TEAD1: variants seen among roughly 807,000 people sequenced by gnomAD.
TEAD1 encodes transcriptional enhancer factor TEF-1.
Under a neutral mutation model 54.9 loss-of-function variants are expected in TEAD1, and 9 were observed. The observed-to-expected ratio is 0.16, with a 90% CI of 0.10 to 0.29. The LOEUF (loss-of-function observed/expected upper bound fraction) is 0.29. TEAD1 is among the 10% of genes least tolerant of loss of function. The pLI is 1.00. For synonymous variants in TEAD1, 200 were observed against 187.8 expected (o/e 1.07, Z -0.53); for missense variants, 387 against 535.9 (o/e 0.72, Z 2.74).
chr11:12,715,858 T>C (rs143447737), intron 2 of TEAD1, among the ~76,000 whole-genome samples: 79 of 152,260 alleles, frequency 5.2e-4, no homozygotes, highest in African/African-American at 1.8e-3. Context: ...GGGCATACCA[T>C]TTTTATTTCC....
At chr11:12,744,657 C>T (rs1944710986) in intron 2 of TEAD1, among the ~76,000 whole-genome samples, 1 of 152,106 alleles carries the variant, frequency 6.6e-6, no homozygotes, top group South Asian at 2.1e-4. Flanking sequence ...TGGGTATTAA[C>T]TTTTATAACT....
Position 12,943,100 on chromosome 11 carries a change from G to T in TEAD1, c.*5878G>T, listed in dbSNP as rs1436151446. On this transcript the variant is annotated 3_prime_UTR_variant, in exon 13 of 13. Transcript: ENST00000527636. ...CATACGTTCTGTGTGTCTCTACCTGGCGTCTTTAAGAATATCCTCTCTGGG... is the reference window on the plus strand; with the variant it reads ...CATACGTTCTGTGTGTCTCTACCTGTCGTCTTTAAGAATATCCTCTCTGGG... 2 of 152,166 alleles carry T rather than the reference G, an allele frequency of 1.3e-5. No individual in the cohort carries two copies. The highest frequency in any genetic ancestry group is 4.1e-4 in the South Asian group (2 of 4,820). 9.4% of individuals were successfully genotyped at this position (152,166 alleles called of 1,614,324 possible).
intron 3 of TEAD1, among the ~76,000 whole-genome samples, chr11:12,838,210 A>C (rs1051742865): frequency 4.6e-5 from 7 of 152,198 alleles, no homozygotes; most frequent in Admixed American, 2.0e-4. Flanking sequence ...TCCTTTTGTG[A>C]AACTTGTAAT....
intron 9 of TEAD1, among the ~76,000 whole-genome samples, chr11:12,886,900 T>C (rs996621987): frequency 6.6e-6 from 1 of 152,176 alleles, no homozygotes; most frequent in African/African-American, 2.4e-5. Context: ...GCTTGTATTA[T>C]GATACTAAGT....
chr11:12,929,448 G>C (rs1474849499), intron 11 of TEAD1, among the ~76,000 whole-genome samples: 1 of 150,846 alleles, frequency 6.6e-6, no homozygotes, highest in Non-Finnish European at 1.5e-5. Flanking sequence ...TTTTTTTTAA[G>C]GATGTGTGTT....
intron 12 of TEAD1, among the ~76,000 whole-genome samples, chr11:12,935,754 G>A (rs1328781588): frequency 6.6e-6 from 1 of 152,128 alleles, no homozygotes; most frequent in African/African-American, 2.4e-5. Flanking sequence ...CACCACGCCC[G>A]GCCCAGCAAA....
intron 3 of TEAD1, among the ~76,000 whole-genome samples, chr11:12,848,564 A>G (rs925934775): frequency 6.6e-6 from 1 of 152,164 alleles, no homozygotes; most frequent in African/African-American, 2.4e-5. Flanking sequence ...CAAGTTTCTT[A>G]ACTTCTTTGA....
intron 5 of TEAD1, among the ~76,000 whole-genome samples, chr11:12,877,862 A>G (rs534352837): frequency 1.4e-5 from 2 of 143,000 alleles, no homozygotes; most frequent in Non-Finnish European, 3.0e-5. Flanking sequence ...TGGCTTGATG[A>G]ACACAGCTCA....
rs1029463511 is a variant in TEAD1 at position 12,675,533 on chromosome 11, T to A, written c.-83T>A. Reference sequence around the variant, plus strand: ...GTTACCACCAAACCCAGGAGGAGACTCTCCCTGGAAAACTTCCCTTCCCTT... The same window carrying A: ...GTTACCACCAAACCCAGGAGGAGACACTCCCTGGAAAACTTCCCTTCCCTT... On this transcript the variant is annotated 5_prime_UTR_variant, in exon 2 of 13. Coordinates refer to ENST00000527636, the MANE Select transcript of TEAD1 (RefSeq NM_021961.6). 1 of 152,174 alleles carries A rather than the reference T, an allele frequency of 6.6e-6. No individual in the cohort carries two copies. The highest frequency in any genetic ancestry group is 6.5e-5 in the Admixed American group (1 of 15,274). 9.4% of individuals were successfully genotyped at this position (152,174 alleles called of 1,614,324 possible).
At chr11:12,833,776 T>A (rs1372132035) in intron 3 of TEAD1, among the ~76,000 whole-genome samples, 2 of 152,230 alleles carry the variant, frequency 1.3e-5, no homozygotes, top group Non-Finnish European at 2.9e-5. Flanking sequence ...GTCCCTTTTT[T>A]GTACTTAGTA....
chr11:12,678,904 T>C (rs1943154855), intron 2 of TEAD1, among the ~76,000 whole-genome samples: 2 of 152,220 alleles, frequency 1.3e-5, no homozygotes, highest in African/African-American at 2.4e-5. Flanking sequence ...CTTTGAAATA[T>C]GTGTTTTATT....
chr11:12,883,685 A>G (rs1036074530), intron 9 of TEAD1, among the ~76,000 whole-genome samples: 1 of 152,288 alleles, frequency 6.6e-6, no homozygotes, highest in African/African-American at 2.4e-5. Context: ...TGTTTTCTCA[A>G]GATAGCAAGT....
At position 12,853,296 on chromosome 11, in the gene TEAD1, C is replaced by T. The variant is rs1421229235; in HGVS notation, c.203-8954C>T. ...TGGTAAAATGAATTGTGGTGGTGGT[C>T]GTGGTGGTGGTGTGTCATGAAAAAT... On this transcript the variant is annotated intron_variant, in intron 3 of 12. Transcript: ENST00000527636. Among the ~76,000 whole-genome samples the T allele has an allele frequency of 7.2e-5, 11 of 151,970 alleles. No individual in the cohort carries two copies. The East Asian group carries it at 1.9e-3, about 27-fold the overall frequency.
intron 3 of TEAD1, among the ~76,000 whole-genome samples, chr11:12,783,438 C>T (rs73423662): frequency 0.041 from 6,218 of 152,036 alleles, 443 homozygotes; most frequent in African/African-American, 0.14. Context: ...TTGGAAGACA[C>T]GTGCCAATAG....
chr11:12,716,197 T>C (rs1944058787), intron 2 of TEAD1, among the ~76,000 whole-genome samples: 1 of 152,052 alleles, frequency 6.6e-6, no homozygotes, highest in Non-Finnish European at 1.5e-5. Context: ...GCCAACTCTC[T>C]CCACTGCCCT....
intron 9 of TEAD1, among the ~76,000 whole-genome samples, chr11:12,890,071 T>C (rs934455881): frequency 2.0e-5 from 3 of 152,186 alleles, no homozygotes; most frequent in East Asian, 3.8e-4. Flanking sequence ...CCAGCACTTA[T>C]GAGCTCTGTA....
At chr11:12,786,159 G>C (rs1400356275) in intron 3 of TEAD1, among the ~76,000 whole-genome samples, 1 of 152,196 alleles carries the variant, frequency 6.6e-6, no homozygotes, top group African/African-American at 2.4e-5. Context: ...GAGCAGCTGG[G>C]CTTTGCTGAG....
intron 5 of TEAD1, among the ~76,000 whole-genome samples, chr11:12,869,536 T>A (rs1023756096): frequency 6.6e-6 from 1 of 152,224 alleles, no homozygotes; most frequent in East Asian, 1.9e-4. Flanking sequence ...TTATTAAAAT[T>A]GGGTTCTCTT....
At chr11:12,918,547 TTAAA>T (rs1206727431) in intron 10 of TEAD1, among the ~76,000 whole-genome samples, 7 of 151,914 alleles carry the variant, frequency 4.6e-5, no homozygotes, top group Admixed American at 2.0e-4. Flanking sequence ...ACACTAATAA[TTAAA>T]TAGAGAATTT....
Sources: allele counts gnomAD v4.1 joint callset (sites outside exome capture counted in the v4.1 genomes callset), GRCh38; gene constraint gnomAD v4.1.1; transcripts MANE v1.5; gene names NCBI Gene and HGNC (gene_info 2026-07-23, HGNC 2026-07-21).